SULF1: variants seen among roughly 807,000 people sequenced by gnomAD.
SULF1 encodes the protein extracellular sulfatase Sulf-1.
Under a neutral mutation model 110.5 loss-of-function variants are expected in SULF1, and 46 were observed. The ratio of observed to expected loss-of-function variants is 0.42; its 90% CI spans 0.33 to 0.53. SULF1 has a LOEUF of 0.53. Ranked by LOEUF, SULF1 falls within the 20% of genes least tolerant of loss-of-function variation. SULF1 has a pLI of 0.12. For missense variants in SULF1, 941 were observed against 1,094.2 expected (o/e 0.86, Z 1.98); for synonymous variants, 371 against 387.1 (o/e 0.96, Z 0.49).
chr8:69,485,453 C>T lies in SULF1; in HGVS notation c.-390-10312C>T, dbSNP rs148308415. Among the ~76,000 whole-genome samples the T allele has an allele frequency of 5.3e-5, 8 of 152,330 alleles. No homozygotes were observed. The East Asian group carries it at 7.7e-4, about 15-fold the overall frequency. On this transcript the variant is annotated intron_variant, in intron 1 of 22. Transcript: ENST00000260128. ...GGTTCAAAGCCTTATAGCAATTCCT[C>T]GTAGGCGCTGCCTGTTGTCACTCCC...
In SULF1 at chr8:69,658,928, T is replaced by A. The variant is rs1351134193; in HGVS notation, c.*393T>A. The A allele has an allele frequency of 2.1e-6, 1 of 465,978 alleles. No homozygotes were observed. Among genetic ancestry groups the A allele is most frequent in the East Asian group, 6.7e-5 (1 of 15,036 alleles). 28.9% of individuals were successfully genotyped at this position (465,978 alleles called of 1,614,324 possible). On this transcript the variant is annotated 3_prime_UTR_variant, in exon 23 of 23. Transcript: ENST00000402687. Reference sequence around the variant, plus strand: ...AGTAAACTTGAATGGAATAACGACATTCCAGAAGTTAATCATTTGAATTCT... The same window carrying A: ...AGTAAACTTGAATGGAATAACGACAATCCAGAAGTTAATCATTTGAATTCT...
intron 18 of SULF1, 32 bp downstream of exon 18, chr8:69,628,268 G>A (rs1023147889): frequency 1.3e-6 from 2 of 1,590,184 alleles, no homozygotes; most frequent in East Asian, 2.2e-5. Flanking sequence ...ACATTTGCTG[G>A]GAGTCAATGA....
chr8:69,611,828 A>G (rs1383531654), intron 13 of SULF1, among the ~76,000 whole-genome samples: 1 of 152,152 alleles, frequency 6.6e-6, no homozygotes, highest in Non-Finnish European at 1.5e-5. Context: ...ACCTTTGAAA[A>G]AGTTGTACAC....
chr8:69,636,468 C>T (rs1326557420), intron 19 of SULF1, among the ~76,000 whole-genome samples: 4 of 151,518 alleles, frequency 2.6e-5, no homozygotes, highest in East Asian at 3.9e-4. Context: ...ACCCAGGAGG[C>T]GGAGCTTGCA....
At chr8:69,603,719 G>T in intron 12 of SULF1, 63 bp downstream of exon 12, 1 of 1,130,452 alleles carries the variant, frequency 8.8e-7, no homozygotes, top group Non-Finnish European at 1.3e-6. Flanking sequence ...TCCCTGCTGA[G>T]TATTTTTTTT....
chr8:69,607,311 T>C (rs1236392843), intron 13 of SULF1, among the ~76,000 whole-genome samples: 2 of 152,322 alleles, frequency 1.3e-5, no homozygotes, highest in African/African-American at 4.8e-5. Flanking sequence ...TGAGCCTTAA[T>C]CTTTAAAGCA....
intron 7 of SULF1, among the ~76,000 whole-genome samples, chr8:69,587,218 C>T (rs138838743): frequency 1.3e-4 from 20 of 152,242 alleles, no homozygotes; most frequent in Admixed American, 1.0e-3. Flanking sequence ...AAAATATCTT[C>T]GAATTTAGCA....
chr8:69,511,039 C>A (rs1811526340), intron 3 of SULF1, among the ~76,000 whole-genome samples: 1 of 152,050 alleles, frequency 6.6e-6, no homozygotes, highest in Non-Finnish European at 1.5e-5. Flanking sequence ...ACTCTGCACC[C>A]ACCCTCTGGA....
intron 1 of SULF1, among the ~76,000 whole-genome samples, chr8:69,486,752 T>C (rs1036590210): frequency 2.0e-5 from 3 of 152,146 alleles, no homozygotes; most frequent in African/African-American, 7.2e-5. Context: ...ACTTGTCCCT[T>C]GGACCCATGC....
At chr8:69,552,267 G>A (rs960019643) in intron 3 of SULF1, among the ~76,000 whole-genome samples, 2 of 152,136 alleles carry the variant, frequency 1.3e-5, no homozygotes, top group African/African-American at 4.8e-5. Flanking sequence ...AAAGTGTCCA[G>A]TATTCTGAAG....
At chr8:69,587,925 C>T (rs1260331923) in intron 7 of SULF1, among the ~76,000 whole-genome samples, 2 of 152,224 alleles carry the variant, frequency 1.3e-5, no homozygotes, top group Middle Eastern at 3.4e-3. Flanking sequence ...CAGACACTCC[C>T]TTGGAAGAGG....
Position 69,660,436 on chromosome 8 carries a change from G to T in SULF1, c.*1901G>T, listed in dbSNP as rs1813031253. ...CTGTATTCTTGAAAATATCCTTGTT[G>T]TGTATTAGGTTTTTAAATACCAGCT... On this transcript the variant is annotated 3_prime_UTR_variant, in exon 23 of 23. Coordinates refer to ENST00000402687, the MANE Select transcript of SULF1 (RefSeq NM_001128205.2). The T allele has an allele frequency of 1.3e-5, 2 of 152,564 alleles. No individual in the cohort carries two copies. The highest frequency in any genetic ancestry group is 4.1e-4 in the South Asian group (2 of 4,832). The allele number at this position is 152,564 out of a possible 1,614,324, so 9.5% of individuals were successfully genotyped here.
intron 3 of SULF1, among the ~76,000 whole-genome samples, chr8:69,541,856 A>G (rs1414913691): frequency 6.6e-6 from 1 of 152,220 alleles, no homozygotes; most frequent in African/African-American, 2.4e-5. Flanking sequence ...AGGAATAAAG[A>G]TGGAAATGGT....
At chr8:69,521,462 T>A (rs1385367006) in intron 3 of SULF1, among the ~76,000 whole-genome samples, 1 of 151,974 alleles carries the variant, frequency 6.6e-6, no homozygotes, top group East Asian at 1.9e-4. Flanking sequence ...CTCATTGAGG[T>A]GGTAAGATTT....
intron 2 of SULF1, among the ~76,000 whole-genome samples, chr8:69,498,229 G>A (rs1379382610): frequency 6.6e-6 from 1 of 151,848 alleles, no homozygotes; most frequent in African/African-American, 2.4e-5. Context: ...CAAAAGAAAG[G>A]GATGCAATGA....
At chr8:69,585,739 T>C (rs1398315523) in intron 6 of SULF1, among the ~76,000 whole-genome samples, 1 of 152,176 alleles carries the variant, frequency 6.6e-6, no homozygotes, top group Non-Finnish European at 1.5e-5. Context: ...TTATCGATAA[T>C]AGATGTATAC....
chr8:69,617,373 C>CTATATATATATA (rs56381958), intron 13 of SULF1, among the ~76,000 whole-genome samples: 1 of 48,906 alleles, frequency 2.0e-5, no homozygotes, highest in African/African-American at 6.5e-5. Flanking sequence ...GCATGCTTAG[C>CTATATATATATA]TATATATATA....
chr8:69,566,079 A>G (rs922936701), intron 5 of SULF1, among the ~76,000 whole-genome samples: 7 of 151,926 alleles, frequency 4.6e-5, no homozygotes, highest in African/African-American at 7.3e-5. Context: ...CGACTCCAGC[A>G]TGGTGCTCAT....
At chr8:69,572,818 A>G (rs1242692087) in intron 5 of SULF1, among the ~76,000 whole-genome samples, 1 of 152,142 alleles carries the variant, frequency 6.6e-6, no homozygotes, top group Non-Finnish European at 1.5e-5. Flanking sequence ...CCTTCAAGCC[A>G]GATTCCCACT....
Sources: gnomAD v4.1 joint callset for allele counts (sites outside exome capture counted in the v4.1 genomes callset) on GRCh38, gnomAD v4.1.1 for gene constraint, MANE v1.5 for transcripts, NCBI Gene and HGNC (gene_info 2026-07-23, HGNC 2026-07-21) for gene names.